Variants in ATXN10 observed in about 807,000 individuals in gnomAD.
ATXN10 encodes ataxin-10.
Under a neutral mutation model 52.9 loss-of-function variants are expected in ATXN10, and 28 were observed. The observed-to-expected ratio is 0.53, with a 90% CI of 0.39 to 0.73. ATXN10 has a LOEUF of 0.73. Among genes scored for constraint, ATXN10 ranks in the 30% least tolerant of loss-of-function variants. The pLI is 0.00. For synonymous variants in ATXN10, 226 were observed against 221.5 expected (o/e 1.02, Z -0.18); for missense variants, 565 against 577.0 (o/e 0.98, Z 0.21).
Position 45,677,427 on chromosome 22 carries a change from AT to A in ATXN10, c.116+5254del, listed in dbSNP as rs1429048191. ...TTTTCAGCTTCTATCAGTATAGCTC[AT>A]TTTTTCTCTTCAATCTGCTTAGACA... is the stretch of plus-strand genomic sequence containing the variant. On this transcript the variant is annotated intron_variant, in intron 1 of 11. Coordinates refer to ENST00000252934, the MANE Select transcript of ATXN10 (RefSeq NM_013236.4). This position sits in a 1 kb window ranked among gnomAD's most constrained non-coding sequence, Gnocchi z 4.1. 6.7e-6 allele frequency: 1 copy of A among 150,258 alleles called. No homozygotes were observed. Among genetic ancestry groups the A allele is most frequent in the African/African-American group, 2.5e-5 (1 of 40,762 alleles). 9.3% of individuals were successfully genotyped at this position (150,258 alleles called of 1,614,324 possible).
chr22:45,714,715 T>A (rs904228272), intron 5 of ATXN10, among the ~76,000 whole-genome samples: 1 of 152,202 alleles, frequency 6.6e-6, no homozygotes, highest in Non-Finnish European at 1.5e-5. Flanking sequence ...GTTTTTGATT[T>A]TTTTAGTAGA....
intron 10 of ATXN10, among the ~76,000 whole-genome samples, chr22:45,839,033 C>T (rs1929260438): frequency 6.6e-6 from 1 of 152,192 alleles, no homozygotes; most frequent in Non-Finnish European, 1.5e-5. Context: ...AAGGGTTCTA[C>T]CTTCGTGAAG....
Position 45,840,885 on chromosome 22 carries a change from C to T in ATXN10, c.1238-2106C>T, listed in dbSNP as rs1473555413. 1.3e-5 allele frequency among the ~76,000 whole-genome samples: 2 copies of T among 152,222 alleles called. No individual in the cohort carries two copies. The highest frequency in any genetic ancestry group is 2.9e-5 in the Non-Finnish European group (2 of 68,044). On this transcript the variant is annotated intron_variant, in intron 10 of 11. Coordinates refer to ENST00000252934, the MANE Select transcript of ATXN10 (RefSeq NM_013236.4). The surrounding 1 kb of genome is among the most constrained non-coding windows in gnomAD (Gnocchi z 5.8). ...GTTATACTCATGAACAAAAATTCCC[C>T]AGTCTTACATTTCTTGCTCCTTGAG...
At chr22:45,693,883 A>G (rs1394969085) in intron 3 of ATXN10, among the ~76,000 whole-genome samples, 1 of 152,190 alleles carries the variant, frequency 6.6e-6, no homozygotes, top group East Asian at 1.9e-4. Flanking sequence ...CGACACCTTG[A>G]TCTTGGACCT....
chr22:45,722,141 A>T (rs1300713122), intron 6 of ATXN10, among the ~76,000 whole-genome samples: 1 of 152,196 alleles, frequency 6.6e-6, no homozygotes, highest in Non-Finnish European at 1.5e-5. Context: ...TTTCACACCA[A>T]TGTGTAATAA....
rs546394335 is a variant in ATXN10 at position 45,820,115 on chromosome 22, C to T, written c.1237+13093C>T. On this transcript the variant is annotated intron_variant, in intron 10 of 11. Transcript: ENST00000252934. This position sits in a 1 kb window ranked among gnomAD's most constrained non-coding sequence, Gnocchi z 4.9. ...TCAGGAAGTGTTCTATTCTCTGTAC[C>T]AGTTATTCTAGGACCAATACATTAA... 2.6e-5 allele frequency among the ~76,000 whole-genome samples: 4 copies of T among 152,266 alleles called. No individual in the cohort carries two copies. The highest frequency in any genetic ancestry group is 2.6e-4 in the Admixed American group (4 of 15,290).
At chr22:45,800,654 A>C (rs1214048194) in intron 9 of ATXN10, among the ~76,000 whole-genome samples, 1 of 152,266 alleles carries the variant, frequency 6.6e-6, no homozygotes, top group Non-Finnish European at 1.5e-5. Context: ...TGTTCATAGC[A>C]TCTCCATTCA....
chr22:45,751,739 GGAAAAAAA>G (rs1318196692), intron 9 of ATXN10, among the ~76,000 whole-genome samples: 4 of 14,122 alleles, frequency 2.8e-4, no homozygotes, highest in South Asian at 2.2e-3. Context: ...ACCTTTTTCT[GGAAAAAAA>G]AAAAAAATAA....
rs1216309770 is a variant in ATXN10, at chr22:45,683,419, GTCTC to G, written c.117-6289_117-6286del. ...TGCCTGTCCAGGGTGGCTCTGTCTT[GTCTC>G]TCTGAGTCGCACTTCTCTTTTCTCA... is the stretch of plus-strand genomic sequence containing the variant. On this transcript the variant is annotated intron_variant, in intron 1 of 11. Coordinates refer to ENST00000252934, the MANE Select transcript of ATXN10 (RefSeq NM_013236.4). The surrounding 1 kb of genome is among the most constrained non-coding windows in gnomAD (Gnocchi z 4.8). 5.3e-5 allele frequency among the ~76,000 whole-genome samples: 8 copies of G among 152,092 alleles called. No homozygotes were observed. The highest frequency in any genetic ancestry group is 1.2e-4 in the Non-Finnish European group (8 of 68,026).
intron 6 of ATXN10, among the ~76,000 whole-genome samples, chr22:45,720,314 A>G (rs961733601): frequency 6.7e-6 from 1 of 148,674 alleles, no homozygotes; most frequent in African/African-American, 2.5e-5. Flanking sequence ...TACTATTGTA[A>G]CCTTTTTTTT....
rs1714196560 is a variant in ATXN10 at position 45,835,223 on chromosome 22, T to G, written c.1238-7768T>G. ...CTTCACTGCCAGATGGACGGGCTCA[T>G]GGGTCCTGCTTTGCCTGGCGTGGGC... On this transcript the variant is annotated intron_variant, in intron 10 of 11. Coordinates refer to ENST00000252934, the MANE Select transcript of ATXN10 (RefSeq NM_013236.4). The surrounding 1 kb of genome is among the most constrained non-coding windows in gnomAD (Gnocchi z 5.0). Among the ~76,000 whole-genome samples the G allele has an allele frequency of 1.3e-5, 2 of 152,122 alleles. No homozygotes were observed. Among genetic ancestry groups the G allele is most frequent in the African/African-American group, 4.8e-5 (2 of 41,432 alleles).
At position 45,805,836 on chromosome 22, in the gene ATXN10, G is replaced by A. The variant is rs1385897255; in HGVS notation, c.1174-1123G>A. ...CCACCAAATTGCACACTTTAAAAGTGTGAATTTTATAGTTTGTGATGATGT... is the reference window on the plus strand; with the variant it reads ...CCACCAAATTGCACACTTTAAAAGTATGAATTTTATAGTTTGTGATGATGT... On this transcript the variant is annotated intron_variant, in intron 9 of 11. Coordinates refer to ENST00000252934, the MANE Select transcript of ATXN10 (RefSeq NM_013236.4). This position sits in a 1 kb window ranked among gnomAD's most constrained non-coding sequence, Gnocchi z 4.4. 6.6e-6 allele frequency among the ~76,000 whole-genome samples: 1 copy of A among 152,154 alleles called. No homozygotes were observed. Among genetic ancestry groups the A allele is most frequent in the African/African-American group, 2.4e-5 (1 of 41,424 alleles).
At position 45,819,708 on chromosome 22, in the gene ATXN10, T is replaced by A. The variant is rs1363344577; in HGVS notation, c.1237+12686T>A. ...TGTGGTCTGTGCTTGTATACATTATTATTATCATTTAATGTATGTATTTTC... is the reference window on the plus strand; with the variant it reads ...TGTGGTCTGTGCTTGTATACATTATAATTATCATTTAATGTATGTATTTTC... On this transcript the variant is annotated intron_variant, in intron 10 of 11. Coordinates refer to ENST00000252934, the MANE Select transcript of ATXN10 (RefSeq NM_013236.4). The surrounding 1 kb of genome is among the most constrained non-coding windows in gnomAD (Gnocchi z 4.5). 6.6e-6 allele frequency among the ~76,000 whole-genome samples: 1 copy of A among 152,246 alleles called. No homozygotes were observed. Among genetic ancestry groups the A allele is most frequent in the Non-Finnish European group, 1.5e-5 (1 of 68,042 alleles).
In ATXN10 at chr22:45,762,452, G is replaced by A. The variant is rs1335531050; in HGVS notation, c.1173+21914G>A. 6.6e-6 allele frequency among the ~76,000 whole-genome samples: 1 copy of A among 152,208 alleles called. No individual in the cohort carries two copies. The highest frequency in any genetic ancestry group is 6.5e-5 in the Admixed American group (1 of 15,290). ...CAGCAGGATTCTTTCCACGGTGCAT[G>A]TTCTGGCTGAGTGTTGGTGGGCTCC... On this transcript the variant is annotated intron_variant, in intron 9 of 11. Coordinates refer to ENST00000252934, the MANE Select transcript of ATXN10 (RefSeq NM_013236.4). This position sits in a 1 kb window ranked among gnomAD's most constrained non-coding sequence, Gnocchi z 4.3.
chr22:45,736,956 A>C (rs1273381198), intron 7 of ATXN10, among the ~76,000 whole-genome samples: 1 of 152,166 alleles, frequency 6.6e-6, no homozygotes, highest in African/African-American at 2.4e-5. Flanking sequence ...ACTTTCCCTA[A>C]CCAATTCTTA....
In ATXN10 at chr22:45,774,172, G is replaced by C. The variant is rs1207410914; in HGVS notation, c.1174-32787G>C. ...GACAGCCTGCTAATGTCTGGGGGTGGCCCTGCCTTAGTAGGCATGGTGGGG... is the reference window on the plus strand; with the variant it reads ...GACAGCCTGCTAATGTCTGGGGGTGCCCCTGCCTTAGTAGGCATGGTGGGG... On this transcript the variant is annotated intron_variant, in intron 9 of 11. Coordinates refer to ENST00000252934, the MANE Select transcript of ATXN10 (RefSeq NM_013236.4). This position sits in a 1 kb window ranked among gnomAD's most constrained non-coding sequence, Gnocchi z 6.2. Among the ~76,000 whole-genome samples, 1 of 152,226 alleles carries C rather than the reference G, an allele frequency of 6.6e-6. No homozygotes were observed. The highest frequency in any genetic ancestry group is 2.4e-5 in the African/African-American group (1 of 41,462).
chr22:45,728,224 C>A lies in ATXN10; in HGVS notation c.729-1201C>A, dbSNP rs2146787876. Among the ~76,000 whole-genome samples the A allele has an allele frequency of 6.6e-6, 1 of 152,144 alleles. No individual in the cohort carries two copies. The highest frequency in any genetic ancestry group is 1.5e-5 in the Non-Finnish European group (1 of 68,004). On this transcript the variant is annotated intron_variant, in intron 6 of 11. Coordinates refer to ENST00000252934, the MANE Select transcript of ATXN10 (RefSeq NM_013236.4). The surrounding 1 kb of genome is among the most constrained non-coding windows in gnomAD (Gnocchi z 4.3). ...GCTTTCAAGAGGTTCCATGCTGGTGCCTGTCGACCTTTTATTTCAAGCTTT... is the reference window on the plus strand; with the variant it reads ...GCTTTCAAGAGGTTCCATGCTGGTGACTGTCGACCTTTTATTTCAAGCTTT...
At chr22:45,743,603 G>C (rs545929748) in intron 9 of ATXN10, among the ~76,000 whole-genome samples, 1 of 152,320 alleles carries the variant, frequency 6.6e-6, no homozygotes, top group Non-Finnish European at 1.5e-5. Context: ...GGGAAATTTG[G>C]CTCTGTCTCT....
At chr22:45,689,197 T>C (rs1923270749) in intron 1 of ATXN10, among the ~76,000 whole-genome samples, 1 of 152,254 alleles carries the variant, frequency 6.6e-6, no homozygotes, top group Admixed American at 6.5e-5. Flanking sequence ...TTGTTTCTTA[T>C]AACTGAACTT....
Sources: gnomAD v4.1 joint callset for allele counts (sites outside exome capture counted in the v4.1 genomes callset) on GRCh38, gnomAD v4.1.1 for gene constraint, Gnocchi (gnomAD v3.1) non-coding constraint, MANE v1.5 for transcripts, NCBI Gene and HGNC (gene_info 2026-07-23, HGNC 2026-07-21) for gene names.